DMD: variants seen among roughly 807,000 people sequenced by gnomAD.
The protein encoded by DMD is dystrophin, also known as mutant dystrophin.
In DMD, 63 loss-of-function variants were observed where a neutral mutation model predicts 330.1. That is an observed-to-expected ratio of 0.19 (90% CI 0.16 to 0.24). DMD has a LOEUF of 0.24. Ranked by LOEUF, DMD falls within the 10% of genes least tolerant of loss-of-function variation. The pLI is 1.00. For missense variants in DMD, 3,344 were observed against 2,684.1 expected (o/e 1.25, Z -5.43); for synonymous variants, 1,223 against 959.8 (o/e 1.27, Z -5.07).
chrX:33,054,323 CTA>C (rs954220028), intron 1 of DMD, among the ~76,000 whole-genome samples: 3 of 111,133 alleles, frequency 2.7e-5, no homozygotes, highest in African/African-American at 9.8e-5. Flanking sequence ...ACCTATATGC[CTA>C]TATATATATT....
chrX:32,741,741 G>T (rs1241046943), intron 7 of DMD, among the ~76,000 whole-genome samples: 1 of 111,557 alleles, frequency 9.0e-6, no homozygotes, highest in Non-Finnish European at 1.9e-5. Flanking sequence ...CACAATATTT[G>T]GTTGCATAGT....
chrX:31,721,716 CTCTA>C (rs1252980754), intron 52 of DMD, among the ~76,000 whole-genome samples: 171 of 53,388 alleles, frequency 3.2e-3, no homozygotes, highest in Non-Finnish European at 4.6e-3. Flanking sequence ...CTCTCTCTCT[CTCTA>C]TATATATATA....
intron 12 of DMD, among the ~76,000 whole-genome samples, chrX:32,606,089 T>C (rs755084498): frequency 7.2e-5 from 8 of 110,597 alleles, no homozygotes; most frequent in Non-Finnish European, 1.5e-4. Flanking sequence ...TTATTGACCA[T>C]AGTTACTGTA....
At chrX:32,713,670 T>C (rs770094930) in intron 7 of DMD, among the ~76,000 whole-genome samples, 1 of 112,072 alleles carries the variant, frequency 8.9e-6, no homozygotes, top group Non-Finnish European at 1.9e-5. Flanking sequence ...CATTTTACCA[T>C]CTGAGATAAA....
At chrX:32,635,627 G>A (rs1329711585) in intron 11 of DMD, among the ~76,000 whole-genome samples, 2 of 112,236 alleles carry the variant, frequency 1.8e-5, no homozygotes, top group South Asian at 7.4e-4. Flanking sequence ...CTTGAGTAGT[G>A]CATGTACAAA....
Position 31,177,932 on chromosome X carries a change from G to T in DMD, c.10262C>A (p.Ala3421Glu). The T allele has an allele frequency of 8.3e-7, 1 of 1,205,947 alleles. No individual in the cohort carries two copies. The highest frequency in any genetic ancestry group is 1.1e-6 in the Non-Finnish European group (1 of 891,130). The part of the protein sequence containing the change: ...TLINFWPVDS[A>E]PASSPQLSHD... ...ACCCTTCAGCAAAAAAAGTACTCAC[G>T]CAGAATCTACTGGCCAGAAGTTGAT... is the stretch of plus-strand genomic sequence containing the variant. Residue 3421 changes from alanine (A) to glutamate (E), a missense_variant and splice_region_variant, in exon 71 of 79, where the codon GCG (alanine) becomes GAG (glutamate). By Grantham distance (107) the Ala-to-Glu change is moderately radical (BLOSUM62 -1). Coordinates refer to ENST00000357033, the MANE Select transcript of DMD (RefSeq NM_004006.3).
At chrX:31,743,790 T>C (rs193252756) in intron 51 of DMD, among the ~76,000 whole-genome samples, 8 of 111,691 alleles carry the variant, frequency 7.2e-5, no homozygotes, top group African/African-American at 2.3e-4. Flanking sequence ...CGGCATCATG[T>C]AATATATCAA....
At chrX:31,327,148 A>T (rs1056563189) in intron 61 of DMD, among the ~76,000 whole-genome samples, 1 of 112,393 alleles carries the variant, frequency 8.9e-6, no homozygotes, top group South Asian at 3.7e-4. Context: ...GTACAAATCA[A>T]CCATTATCAT....
At chrX:33,190,331 C>T (rs1238659577) in intron 1 of DMD, among the ~76,000 whole-genome samples, 1 of 104,726 alleles carries the variant, frequency 9.5e-6, no homozygotes, top group South Asian at 4.2e-4. Context: ...ATGCAACTCT[C>T]CTGAAGCATA....
chrX:32,803,687 C>CTTAT (rs767798347), intron 7 of DMD, among the ~76,000 whole-genome samples: 2 of 112,073 alleles, frequency 1.8e-5, no homozygotes, highest in African/African-American at 6.5e-5. Flanking sequence ...TTTCAAAGAA[C>CTTAT]TTATTTATTT....
chrX:33,076,384 G>A (rs1246146114), intron 1 of DMD, among the ~76,000 whole-genome samples: 1 of 111,481 alleles, frequency 9.0e-6, no homozygotes, highest in Admixed American at 9.6e-5. Flanking sequence ...TCTGTCTAGA[G>A]AGTGGGCAAG....
At chrX:33,019,481 T>C (rs2093871928) in intron 2 of DMD, among the ~76,000 whole-genome samples, 1 of 111,543 alleles carries the variant, frequency 9.0e-6, no homozygotes. Flanking sequence ...AAAATGCAAG[T>C]CTTTTAAACT....
intron 43 of DMD, among the ~76,000 whole-genome samples, chrX:32,238,065 G>C (rs2097194468): frequency 8.9e-6 from 1 of 111,784 alleles, no homozygotes; most frequent in African/African-American, 3.2e-5. Flanking sequence ...AAAAGGTTTA[G>C]GGGAGTACAT....
At chrX:32,819,912 A>T (rs1362577223) in intron 5 of DMD, among the ~76,000 whole-genome samples, 1 of 110,729 alleles carries the variant, frequency 9.0e-6, no homozygotes, top group African/African-American at 3.3e-5. Flanking sequence ...AACACTGAGC[A>T]AGATAATTTT....
chrX:31,729,201 T>G (rs754213537), intron 52 of DMD, among the ~76,000 whole-genome samples: 102 of 111,642 alleles, frequency 9.1e-4, no homozygotes, highest in African/African-American at 3.1e-3. Flanking sequence ...CGGAGAGATA[T>G]CCAGATCTGA....
At chrX:32,340,115 CCTGT>C (rs1357505027) in intron 41 of DMD, among the ~76,000 whole-genome samples, 4 of 111,629 alleles carry the variant, frequency 3.6e-5, no homozygotes, top group East Asian at 2.8e-4. Context: ...TCTACACCCA[CCTGT>C]CTATCTATCT....
At chrX:31,208,783 G>A (rs2044344393) in intron 65 of DMD, among the ~76,000 whole-genome samples, 1 of 109,844 alleles carries the variant, frequency 9.1e-6, no homozygotes, top group East Asian at 2.8e-4. Context: ...TGAGATCTAA[G>A]AAGAATTTAG....
At chrX:32,639,016 A>C (rs1176923228) in intron 11 of DMD, among the ~76,000 whole-genome samples, 1 of 111,450 alleles carries the variant, frequency 9.0e-6, no homozygotes, top group African/African-American at 3.3e-5. Flanking sequence ...TACTATTCAT[A>C]TCTCTCCTCC....
intron 7 of DMD, among the ~76,000 whole-genome samples, chrX:32,733,756 T>A (rs1312414190): frequency 9.3e-6 from 1 of 107,552 alleles, no homozygotes; most frequent in African/African-American, 3.4e-5. Context: ...TGGGACACAT[T>A]CAAAGCAGTG....
Sources: allele counts gnomAD v4.1 joint callset (sites outside exome capture counted in the v4.1 genomes callset), GRCh38; gene constraint gnomAD v4.1.1; transcripts MANE v1.5; gene names NCBI Gene and HGNC (gene_info 2026-07-23, HGNC 2026-07-21).